The following CREB3L2 variants were observed in gnomAD, a reference collection of about 807,000 sequenced individuals.
The protein encoded by CREB3L2 is cyclic AMP-responsive element-binding protein 3-like protein 2.
Under a neutral mutation model 57.2 loss-of-function variants are expected in CREB3L2, and 23 were observed. The ratio of observed to expected loss-of-function variants is 0.40; its 90% CI spans 0.29 to 0.57. CREB3L2 has a LOEUF of 0.57. Ranked by LOEUF, CREB3L2 falls within the 20% of genes least tolerant of loss-of-function variation. The pLI is 0.42. For synonymous variants in CREB3L2, 268 were observed against 265.1 expected, an observed-to-expected ratio of 1.01 and a Z score of -0.11; for missense variants, 628 against 634.7, an observed-to-expected ratio of 0.99 and a Z score of 0.11.
At chr7:137,984,746 G>A (rs907746806) in intron 1 of CREB3L2, among the ~76,000 whole-genome samples, 5 of 152,134 alleles carry the variant, frequency 3.3e-5, no homozygotes, top group African/African-American at 1.2e-4. Flanking sequence ...AAAGCTATGG[G>A]GGAATAAAAA....
At position 137,878,177 on chromosome 7, in the gene CREB3L2, A is replaced by G. The variant is rs973723550; in HGVS notation, c.*2299T>C. The G allele has an allele frequency of 1.7e-5, 4 of 231,504 alleles. No homozygotes were observed. The highest frequency in any genetic ancestry group is 8.8e-5 in the African/African-American group (4 of 45,256). The allele number at this position is 231,504 out of a possible 1,614,324, so 14.3% of individuals were successfully genotyped here. A position where few individuals can be genotyped will look rare whatever the true frequency, so the allele number is the denominator to read the frequency against. Reference sequence around the variant, plus strand: ...GTAAGGGAGAAAATAAAATCCTCAAAGCACTAAGGACAGGGGCTAGAAGTT... The same window carrying G: ...GTAAGGGAGAAAATAAAATCCTCAAGGCACTAAGGACAGGGGCTAGAAGTT... On this transcript the variant is annotated 3_prime_UTR_variant, in exon 12 of 12. Coordinates refer to ENST00000330387, the MANE Select transcript of CREB3L2 (RefSeq NM_194071.4).
chr7:137,914,023 G>A (rs982614684), intron 3 of CREB3L2, among the ~76,000 whole-genome samples: 2 of 151,996 alleles, frequency 1.3e-5, no homozygotes, highest in Non-Finnish European at 2.9e-5. Flanking sequence ...CACTTAAATC[G>A]AGTCAATCAC....
At chr7:137,907,351 C>A (rs762015858) in intron 5 of CREB3L2, among the ~76,000 whole-genome samples, 24 of 152,158 alleles carry the variant, frequency 1.6e-4, no homozygotes, top group Non-Finnish European at 2.8e-4. Context: ...CATAGTAGTA[C>A]ACACAGGTAT....
In CREB3L2 at chr7:137,880,782, C is replaced by T. The variant is rs561182326; in HGVS notation, c.1488-231G>A. Among the ~76,000 whole-genome samples the T allele has an allele frequency of 2.0e-5, 3 of 152,276 alleles. No individual in the cohort carries two copies. The highest frequency in any genetic ancestry group is 6.5e-5 in the Admixed American group (1 of 15,304). On this transcript the variant is annotated intron_variant, in intron 11 of 11. Transcript: ENST00000330387. This position sits in a 1 kb window ranked among gnomAD's most constrained non-coding sequence, Gnocchi z 4.0. ...TTTATCTACACCCAAGGCATCCCAA[C>T]CCTACTAAGGATAATCATGGTGGCT...
intron 1 of CREB3L2, chr7:137,953,200 T>G: frequency 3.5e-6 from 1 of 288,950 alleles, no homozygotes; most frequent in Non-Finnish European, 6.9e-6. Flanking sequence ...ATTTATTTCC[T>G]GGGAAACAAG....
intron 1 of CREB3L2, among the ~76,000 whole-genome samples, chr7:137,972,732 TATATAGAGAGAGAGAGAG>T (rs1245877150): frequency 0.04 from 1,079 of 26,788 alleles, 54 homozygotes; most frequent in African/African-American, 0.087. Context: ...TATATATATA[TATATAGAGAGAGAGAGAG>T]AGAGAGAGAG....
At chr7:137,918,077 T>C (rs1378233029) in intron 2 of CREB3L2, among the ~76,000 whole-genome samples, 1 of 152,154 alleles carries the variant, frequency 6.6e-6, no homozygotes, top group Non-Finnish European at 1.5e-5. Context: ...GCTTAGGAGC[T>C]AGAAGACAAT....
chr7:137,949,449 A>G (rs962803556), intron 1 of CREB3L2, among the ~76,000 whole-genome samples: 1 of 152,228 alleles, frequency 6.6e-6, no homozygotes, highest in African/African-American at 2.4e-5. Context: ...TTTCTCCAGT[A>G]ATTCAAAGGC....
At chr7:137,892,623 C>T (rs577261230) in intron 8 of CREB3L2, among the ~76,000 whole-genome samples, 1 of 152,236 alleles carries the variant, frequency 6.6e-6, no homozygotes, top group Admixed American at 6.5e-5. Context: ...GCACTCCAGC[C>T]TGGGTGACAG....
At position 137,882,429 on chromosome 7, in the gene CREB3L2, C is replaced by T. The variant is rs369406871; in HGVS notation, c.1470G>A (p.Leu490=). The T allele has an allele frequency of 3.0e-5, 49 of 1,613,340 alleles. No homozygotes were observed. The highest frequency in any genetic ancestry group is 3.8e-5 in the Non-Finnish European group (45 of 1,179,516). Residue 490 remains leucine (L), a synonymous_variant, in exon 11 of 12, where the codon TTG becomes TTA. Coordinates refer to ENST00000330387, the MANE Select transcript of CREB3L2 (RefSeq NM_194071.4). ...NETSLEKSVL[L]ELQQHLVSAK... is the part of the protein sequence containing the mutation. ...TGACTCACAGGTGCTGCTGCAGCTC[C>T]AAAAGCACTGACTTCTCCAGGCTGG... is the stretch of plus-strand genomic sequence containing the variant.
chr7:137,962,026 C>T (rs533315891), intron 1 of CREB3L2, among the ~76,000 whole-genome samples: 71 of 152,268 alleles, frequency 4.7e-4, no homozygotes, highest in African/African-American at 1.6e-3. Context: ...CACCTCCACG[C>T]GCCTGCTCTG....
At chr7:137,891,188 GT>G (rs1799522295) in intron 8 of CREB3L2, among the ~76,000 whole-genome samples, 1 of 152,188 alleles carries the variant, frequency 6.6e-6, no homozygotes. Context: ...TCCTCATGCA[GT>G]TCCTTGCAAA....
At chr7:137,897,854 C>T (rs1445210047) in intron 8 of CREB3L2, among the ~76,000 whole-genome samples, 1 of 151,936 alleles carries the variant, frequency 6.6e-6, no homozygotes, top group Non-Finnish European at 1.5e-5. Context: ...ATTATTTTTA[C>T]AAGGAGCACA....
chr7:137,990,417 T>C (rs377446130), intron 1 of CREB3L2, among the ~76,000 whole-genome samples: 8 of 152,206 alleles, frequency 5.3e-5, no homozygotes, highest in African/African-American at 1.2e-4. Flanking sequence ...ATGCAAAACA[T>C]GTATCAGGCA....
rs375583561 is a variant in CREB3L2, at chr7:137,931,363, A to G, written c.103-2997T>C. Reference sequence around the variant, plus strand: ...TGGTGAAACTCTATCTCTGCTAAAAATACAAAAAATTAGCCAGGCATGGTG... The same window carrying G: ...TGGTGAAACTCTATCTCTGCTAAAAGTACAAAAAATTAGCCAGGCATGGTG... On this transcript the variant is annotated intron_variant, in intron 1 of 11. Transcript: ENST00000330387. Among the ~76,000 whole-genome samples, 24 of 151,874 alleles carry G rather than the reference A, an allele frequency of 1.6e-4. No individual in the cohort carries two copies. In the East Asian group the frequency reaches 4.0e-3, roughly 26 times the overall value.
At chr7:137,983,415 G>A (rs1801742076) in intron 1 of CREB3L2, among the ~76,000 whole-genome samples, 1 of 152,168 alleles carries the variant, frequency 6.6e-6, no homozygotes, top group Non-Finnish European at 1.5e-5. Flanking sequence ...CAGAGCTAGT[G>A]GTCTTTTAGA....
intron 8 of CREB3L2, among the ~76,000 whole-genome samples, chr7:137,895,723 C>T (rs1799616769): frequency 1.3e-5 from 2 of 151,334 alleles, no homozygotes; most frequent in South Asian, 4.2e-4. Context: ...ATGCGAAAGT[C>T]CCCTGTGGGG....
rs1799212303 is a variant in CREB3L2, at chr7:137,878,687, T to C, written c.*1789A>G. 2.1e-5 allele frequency: 5 copies of C among 234,296 alleles called. No individual in the cohort carries two copies. Among genetic ancestry groups the C allele is most frequent in the Non-Finnish European group, 4.2e-5 (5 of 118,938 alleles). The allele number at this position is 234,296 out of a possible 1,614,324, so 14.5% of individuals were successfully genotyped here. On this transcript the variant is annotated 3_prime_UTR_variant, in exon 12 of 12. Transcript: ENST00000330387. ...TTCCACTCACAGTGAGAAGATGAAC[T>C]TGGCCGCTTTCCAGGCTGGAACCGT...
At position 137,880,511 on chromosome 7, in the gene CREB3L2, C is replaced by T; in HGVS notation, c.1528G>A (p.Val510Ile). The T allele has an allele frequency of 6.2e-7, 1 of 1,613,970 alleles. No individual in the cohort carries two copies. Among genetic ancestry groups the T allele is most frequent in the Non-Finnish European group, 8.5e-7 (1 of 1,179,932 alleles). Residue 510 changes from valine (V) to isoleucine (I), a missense_variant, in exon 12 of 12, where the codon GTA (valine) becomes ATA (isoleucine). Coordinates refer to ENST00000330387, the MANE Select transcript of CREB3L2 (RefSeq NM_194071.4). This position sits in a 1 kb window ranked among gnomAD's most constrained non-coding sequence, Gnocchi z 4.0. ...KLEGNETLKV[V>I]ELDRRVNTTF Reference sequence around the variant, plus strand: ...GTGTTCACTCTTCTGTCGAGTTCTACAACTTTTAGTGTTTCATTCCCCTCC... The same window carrying T: ...GTGTTCACTCTTCTGTCGAGTTCTATAACTTTTAGTGTTTCATTCCCCTCC...
Sources: allele counts gnomAD v4.1 joint callset (sites outside exome capture counted in the v4.1 genomes callset), GRCh38; gene constraint gnomAD v4.1.1; non-coding constraint Gnocchi (gnomAD v3.1); transcripts MANE v1.5; gene names NCBI Gene and HGNC (gene_info 2026-07-23, HGNC 2026-07-21).